DNAJC22: variants seen among roughly 807,000 people sequenced by gnomAD.
The protein encoded by DNAJC22 is DnaJ heat shock protein family (Hsp40) member C22.
DNAJC22 carries 24 observed loss-of-function variants against 22.2 expected under a neutral mutation model. The ratio of observed to expected loss-of-function variants is 1.08; its 90% CI spans 0.78 to 1.52. The LOEUF (loss-of-function observed/expected upper bound fraction) is 1.52. Ranked by LOEUF, DNAJC22 falls within the 40% of genes most tolerant of loss-of-function variation. The pLI is 0.00. For synonymous variants in DNAJC22, 160 were observed against 167.4 expected (o/e 0.96, Z 0.34); for missense variants, 434 against 421.7 (o/e 1.03, Z -0.26).
rs754897508 is a variant in DNAJC22 at position 49,349,233 on chromosome 12, G to GCAC, written c.361_362insCAC (p.Val121delinsAlaLeu). ...GGCAGTTGGCTTAGGGGTCTTGCTGGTGGCTGCTGTTGGCAACCAGACCTC... is the reference window on the plus strand; with the variant it reads ...GGCAGTTGGCTTAGGGGTCTTGCTGGCACTGGCTGCTGTTGGCAACCAGACCTC... On this transcript the variant is annotated protein_altering_variant, in exon 3 of 4. Coordinates refer to ENST00000549441, the MANE Select transcript of DNAJC22 (RefSeq NM_001304944.2). 1 of 1,614,176 alleles carries GCAC rather than the reference G, an allele frequency of 6.2e-7. No individual in the cohort carries two copies. The highest frequency in any genetic ancestry group is 8.5e-7 in the Non-Finnish European group (1 of 1,180,028).
rs761472221 is a variant in DNAJC22 at position 49,349,485 on chromosome 12, G to C, written c.613G>C (p.Ala205Pro). 4 of 1,614,224 alleles carry C rather than the reference G, an allele frequency of 2.5e-6. No homozygotes were observed. The highest frequency in any genetic ancestry group is 1.7e-6 in the Non-Finnish European group (2 of 1,180,044). ...GGCATACAGTGCCCTCTGCAACACA[G>C]CTGCCACCCTCAGCTATGTGGCAGA... is the stretch of plus-strand genomic sequence containing the variant. ...PLAYSALCNT[A>P]ATLSYVAETF... The change falls in exon 3 of 4, where the codon GCT becomes CCT. Residue 205 changes from alanine (A) to proline (P), a missense_variant. Ala to Pro is a conservative substitution (Grantham distance 27). Transcript: ENST00000549441.
intron 3 of DNAJC22, chr12:49,349,930 T>A (rs1249080218): frequency 1.1e-6 from 1 of 949,050 alleles, no homozygotes; most frequent in East Asian, 1.2e-4. Flanking sequence ...TGCACTAATT[T>A]TATGTATACC....
intron 2 of DNAJC22, 94 bp downstream of exon 2, chr12:49,348,199 A>G (rs1943724764): frequency 6.6e-6 from 1 of 152,174 alleles, no homozygotes; most frequent in Admixed American, 6.5e-5. Context: ...CCAGTTTGAT[A>G]TTGTGAGGAT....
chr12:49,351,207 A>G (rs1943779865), intron 3 of DNAJC22, 110 bp from the exon 4 acceptor site: 1 of 1,553,634 alleles, frequency 6.4e-7, no homozygotes. Context: ...ACGGGCAAGT[A>G]GAAGCCAATT....
chr12:49,349,256 C>A lies in DNAJC22; in HGVS notation c.384C>A (p.Thr128=), dbSNP rs1305576116. ...VLLVAAVGNQ[T]SDFKNTLGSA... is the part of the protein sequence containing the mutation. ...TGGTGGCTGCTGTTGGCAACCAGAC[C>A]TCAGACTTTAAGAACACTCTGGGGT... The change falls in exon 3 of 4, where the codon ACC becomes ACA. Residue 128 remains threonine (T), a synonymous_variant. Transcript: ENST00000549441. 6.2e-7 allele frequency: 1 copy of A among 1,614,068 alleles called. No individual in the cohort carries two copies. The highest frequency in any genetic ancestry group is 1.1e-5 in the South Asian group (1 of 91,086).
Position 49,349,700 on chromosome 12 carries a change from G to T in DNAJC22, c.828G>T (p.Gln276His). 1 of 1,614,206 alleles carries T rather than the reference G, an allele frequency of 6.2e-7. No individual in the cohort carries two copies. The highest frequency in any genetic ancestry group is 1.6e-4 in the Middle Eastern group (1 of 6,062). Residue 276 changes from glutamine to histidine, a missense_variant, in exon 3 of 4, where the codon CAG becomes CAT. Transcript: ENST00000549441. Reference sequence around the variant, plus strand: ...ACAGTTTTCAGGATGAGAAGCGTCAGCTGGCTTACCAGGTAAGGCTTTCTT... The same window carrying T: ...ACAGTTTTCAGGATGAGAAGCGTCATCTGGCTTACCAGGTAAGGCTTTCTT... The part of the protein sequence containing the change: ...FVHSFQDEKR[Q>H]LAYQVLGLSE...
In DNAJC22 at chr12:49,351,780, GT is replaced by G. The variant is rs372203761; in HGVS notation, c.*279del. The G allele has an allele frequency of 3.5e-4, 66 of 187,628 alleles. 1 individual carries two copies. In the South Asian group the frequency reaches 8.7e-3, roughly 25 times the overall value. 11.6% of individuals were successfully genotyped at this position (187,628 alleles called of 1,614,324 possible). A position where few individuals can be genotyped will look rare whatever the true frequency, so the allele number is the denominator to read the frequency against. On this transcript the variant is annotated 3_prime_UTR_variant, in exon 4 of 4. Transcript: ENST00000549441. ...CCAGGAGTGGTGGCAGGCACCTGTA[GT>G]CCCAGCTACTTGGGAGGCTGAGGCA... is the stretch of plus-strand genomic sequence containing the variant.
chr12:49,349,466 C>A lies in DNAJC22; in HGVS notation c.594C>A (p.Tyr198Ter). Residue 198 changes from tyrosine (Y) to a stop codon, truncating the protein, a stop_gained, in exon 3 of 4, where the codon TAC becomes TAA. Coordinates refer to ENST00000549441, the MANE Select transcript of DNAJC22 (RefSeq NM_001304944.2). LOFTEE classifies it high-confidence loss of function. The part of the protein sequence containing the change: ...AYLAFTGPLA[Y>*]SALCNTAATL... ...TTGCTTTCACAGGCCCACTGGCATACAGTGCCCTCTGCAACACAGCTGCCA... is the reference window on the plus strand; with the variant it reads ...TTGCTTTCACAGGCCCACTGGCATAAAGTGCCCTCTGCAACACAGCTGCCA... The A allele has an allele frequency of 6.2e-7, 1 of 1,614,224 alleles. No individual in the cohort carries two copies. The highest frequency in any genetic ancestry group is 8.5e-7 in the Non-Finnish European group (1 of 1,180,032).
At chr12:49,350,794 G>A (rs1250604793) in intron 3 of DNAJC22, among the ~76,000 whole-genome samples, 2 of 151,848 alleles carry the variant, frequency 1.3e-5, no homozygotes, top group South Asian at 2.1e-4. Flanking sequence ...CACCACGCCC[G>A]ACCATTATTC....
intron 3 of DNAJC22, 26 bp from the exon 4 acceptor site, chr12:49,351,291 A>T: frequency 6.2e-7 from 1 of 1,612,970 alleles, no homozygotes; most frequent in Non-Finnish European, 8.5e-7. Context: ...GGGGGATTCT[A>T]ATTTGTCATC....
chr12:49,349,617 G>A lies in DNAJC22; in HGVS notation c.745G>A (p.Glu249Lys). The change falls in exon 3 of 4, where the codon GAG becomes AAG. Residue 249 changes from glutamate (E) to lysine (K), a missense_variant. Transcript: ENST00000549441. ...PYRIWRLLMG[E>K]TGFNSSCFQE... ...CCGGATCTGGAGGCTACTGATGGGGGAGACTGGCTTCAACAGCAGCTGCTT... is the reference window on the plus strand; with the variant it reads ...CCGGATCTGGAGGCTACTGATGGGGAAGACTGGCTTCAACAGCAGCTGCTT... 3 of 1,614,254 alleles carry A rather than the reference G, an allele frequency of 1.9e-6. No homozygotes were observed. Among genetic ancestry groups the A allele is most frequent in the South Asian group, 1.1e-5 (1 of 91,092 alleles).
Position 49,347,889 on chromosome 12 carries a change from C to A in DNAJC22, c.-324C>A, listed in dbSNP as rs1475663430. ...CTTGCACCGAGTTTCCCCGCGAGGGCGGGCGGGAGGAGTCCCAGGCGGGAA... is the reference window on the plus strand; with the variant it reads ...CTTGCACCGAGTTTCCCCGCGAGGGAGGGCGGGAGGAGTCCCAGGCGGGAA... On this transcript the variant is annotated 5_prime_UTR_variant, in exon 2 of 4. Transcript: ENST00000549441. The A allele has an allele frequency of 6.6e-6, 1 of 152,316 alleles. No homozygotes were observed. The highest frequency in any genetic ancestry group is 1.5e-5 in the Non-Finnish European group (1 of 68,130). The allele number at this position is 152,316 out of a possible 1,614,324, so 9.4% of individuals were successfully genotyped here.
At chr12:49,350,175 G>A (rs1472946226) in intron 3 of DNAJC22, among the ~76,000 whole-genome samples, 1 of 150,610 alleles carries the variant, frequency 6.6e-6, no homozygotes, top group Non-Finnish European at 1.5e-5. Flanking sequence ...CTCCTGGGTT[G>A]AAGCGATTCT....
At position 49,351,488 on chromosome 12, in the gene DNAJC22, G is replaced by C; in HGVS notation, c.1012G>C (p.Gly338Arg). The change falls in exon 4 of 4, where the codon GGA becomes CGA. Residue 338 changes from glycine to arginine, a missense_variant. Gly to Arg is a moderately radical substitution (Grantham distance 125). Coordinates refer to ENST00000549441, the MANE Select transcript of DNAJC22 (RefSeq NM_001304944.2). ...CCTGAGTCAACCCAGGAAGCCCTGG[G>C]GATCCCGGAGGTGAAAAGAAACTTC... Reference protein sequence around the residue: ...EVLSQPRKPWGSRR With the variant: ...EVLSQPRKPWRSRR 3 of 1,542,050 alleles carry C rather than the reference G, an allele frequency of 1.9e-6. No individual in the cohort carries two copies. The highest frequency in any genetic ancestry group is 2.6e-6 in the Non-Finnish European group (3 of 1,151,794).
chr12:49,349,150 T>C lies in DNAJC22; in HGVS notation c.278T>C (p.Leu93Pro). The change falls in exon 3 of 4, where the codon CTT (leucine) becomes CCT (proline). Residue 93 changes from leucine to proline, a missense_variant. Leu to Pro is a moderately conservative substitution (Grantham distance 98). Transcript: ENST00000549441. The part of the protein sequence containing the change: ...AQVIVGIYFG[L>P]VALISLSSMV... ...GTGATAGTTGGCATCTATTTTGGCCTTGTGGCACTGATTAGCCTTTCTTCC... is the reference window on the plus strand; with the variant it reads ...GTGATAGTTGGCATCTATTTTGGCCCTGTGGCACTGATTAGCCTTTCTTCC... The C allele has an allele frequency of 3.7e-6, 6 of 1,614,192 alleles. No homozygotes were observed. Among genetic ancestry groups the C allele is most frequent in the Non-Finnish European group, 5.1e-6 (6 of 1,180,036 alleles).
In DNAJC22 at chr12:49,349,034, C is replaced by T; in HGVS notation, c.162C>T (p.Ser54=). 1 of 1,603,334 alleles carries T rather than the reference C, an allele frequency of 6.2e-7. No individual in the cohort carries two copies. The highest frequency in any genetic ancestry group is 8.5e-7 in the Non-Finnish European group (1 of 1,175,074). The part of the protein sequence containing the change: ...GWLWEFWKLP[S]FVAQANRAQG... The stretch of plus-strand genomic sequence containing the variant: ...TCTGGGAGTTCTGGAAGCTCCCAAG[C>T]TTTGTAGCTCAGGCCAACAGAGCCC... The change falls in exon 3 of 4, where the codon AGC becomes AGT. Residue 54 remains serine (S), a synonymous_variant. Coordinates refer to ENST00000549441, the MANE Select transcript of DNAJC22 (RefSeq NM_001304944.2).
Position 49,349,102 on chromosome 12 carries a change from G to A in DNAJC22, c.230G>A (p.Ser77Asn), listed in dbSNP as rs772519193. 2.0e-5 allele frequency: 32 copies of A among 1,614,190 alleles called. 1 individual carries two copies. The South Asian group carries it at 2.7e-4, about 14-fold the overall frequency. The change falls in exon 3 of 4, where the codon AGT becomes AAT. Residue 77 changes from serine (S) to asparagine (N), a missense_variant. Transcript: ENST00000549441. ...CCCAGAGGGGTGACACCCCCTCTGA[G>A]TCCCATTCGCTTTGCTGCCCAGGTG... ...QSPRGVTPPL[S>N]PIRFAAQVIV...
At position 49,351,397 on chromosome 12, in the gene DNAJC22, C is replaced by A. The variant is rs759382832; in HGVS notation, c.921C>A (p.Asp307Glu). Residue 307 changes from aspartate (D) to glutamate (E), a missense_variant, in exon 4 of 4, where the codon GAC becomes GAA. By Grantham distance (45) the Asp-to-Glu change is conservative. Transcript: ENST00000549441. ...YQELVKVWHPDHNLDQTEEAQ... is the reference protein window; with the variant it reads ...YQELVKVWHPEHNLDQTEEAQ... The stretch of plus-strand genomic sequence containing the variant: ...AGCTAGTGAAGGTCTGGCACCCAGA[C>A]CACAACCTGGACCAGACAGAGGAGG... 1 of 1,613,504 alleles carries A rather than the reference C, an allele frequency of 6.2e-7. No homozygotes were observed.
At chr12:49,350,207 G>A (rs1346712273) in intron 3 of DNAJC22, among the ~76,000 whole-genome samples, 2 of 151,838 alleles carry the variant, frequency 1.3e-5, no homozygotes, top group East Asian at 3.9e-4. Context: ...CTCCCGAGTA[G>A]CTGGGACTAC....
Sources: allele counts gnomAD v4.1 joint callset (sites outside exome capture counted in the v4.1 genomes callset), GRCh38; gene constraint gnomAD v4.1.1; transcripts MANE v1.5; gene names NCBI Gene and HGNC (gene_info 2026-07-23, HGNC 2026-07-21).